PPP1R12A: variants seen among roughly 807,000 people sequenced by gnomAD.
The protein encoded by PPP1R12A is myosin binding subunit.
Under a neutral mutation model 139.6 loss-of-function variants are expected in PPP1R12A, and 19 were observed. The observed-to-expected ratio is 0.14, with a 90% confidence interval of 0.09 to 0.20. PPP1R12A has a LOEUF of 0.20. Among genes scored for constraint, PPP1R12A ranks in the 10% least tolerant of loss-of-function variants. The pLI, the probability that PPP1R12A is intolerant of heterozygous loss-of-function variation, is 1.00. For synonymous variants in PPP1R12A, 427 were observed against 420.6 expected, an observed-to-expected ratio of 1.02 and a Z score of -0.19; for missense variants, 925 against 1,211.5, an observed-to-expected ratio of 0.76 and a Z score of 3.51.
intron 5 of PPP1R12A, chr12:79,825,510 ATAATT>A (rs1383312490): frequency 6.6e-6 from 1 of 151,974 alleles, no homozygotes; most frequent in Non-Finnish European, 1.5e-5. Context: ...CAGTTTGCAA[ATAATT>A]TAAAGAAATG....
At chr12:79,785,702 T>C (rs958509891) in intron 22 of PPP1R12A, among the ~76,000 whole-genome samples, 1 of 152,190 alleles carries the variant, frequency 6.6e-6, no homozygotes. Flanking sequence ...CTTTAACATG[T>C]AAAATATGTA....
intron 3 of PPP1R12A, among the ~76,000 whole-genome samples, chr12:79,841,392 T>C (rs965382178): frequency 6.6e-6 from 1 of 152,228 alleles, no homozygotes; most frequent in Non-Finnish European, 1.5e-5. Flanking sequence ...TTTTAATACA[T>C]AGCACACTGT....
At chr12:79,798,075 C>G (rs1461866691) in intron 15 of PPP1R12A, among the ~76,000 whole-genome samples, 2 of 152,108 alleles carry the variant, frequency 1.3e-5, no homozygotes, top group Non-Finnish European at 2.9e-5. Flanking sequence ...ATATACGAGC[C>G]TATTCTCTGC....
At chr12:79,782,614 C>T (rs1398554433) in intron 22 of PPP1R12A, 1 of 447,390 alleles carries the variant, frequency 2.2e-6, no homozygotes, top group Non-Finnish European at 4.5e-6. Flanking sequence ...TAAGCACAGG[C>T]ACAGTTTAAG....
chr12:79,793,853 T>C lies in PPP1R12A; in HGVS notation c.2649+10A>G. 6.4e-7 allele frequency: 1 copy of C among 1,556,310 alleles called. No individual in the cohort carries two copies. The highest frequency in any genetic ancestry group is 8.7e-7 in the Non-Finnish European group (1 of 1,142,982). ...GAATACTTCTCAATACAAAAAGTAATGGTATTTACCTGAGTTTCTTTCTTA... is the reference window on the plus strand; with the variant it reads ...GAATACTTCTCAATACAAAAAGTAACGGTATTTACCTGAGTTTCTTTCTTA... On this transcript the variant is annotated intron_variant, in intron 19 of 24. Transcript: ENST00000450142.
At chr12:79,881,657 T>G (rs1469042517) in intron 1 of PPP1R12A, among the ~76,000 whole-genome samples, 1 of 152,166 alleles carries the variant, frequency 6.6e-6, no homozygotes, top group Non-Finnish European at 1.5e-5. Context: ...CTAAAATCAC[T>G]GATGAAGGTG....
chr12:79,932,518 G>A lies in PPP1R12A; in HGVS notation c.237+2177C>T, dbSNP rs183372960. On this transcript the variant is annotated intron_variant, in intron 1 of 24. Coordinates refer to ENST00000450142, the MANE Select transcript of PPP1R12A (RefSeq NM_002480.3). ...GGAAAAATGTTATGGAAAAGGGGAG[G>A]CGGTTGGAGATTATCGGGTCAAACC... 4.2e-3 allele frequency among the ~76,000 whole-genome samples: 636 copies of A among 152,262 alleles called. 2 individuals carry two copies. Among genetic ancestry groups the A allele is most frequent in the African/African-American group, 0.015 (605 of 41,554 alleles).
In PPP1R12A at chr12:79,775,922, T is replaced by A; in HGVS notation, c.*7A>T. 1 of 1,558,746 alleles carries A rather than the reference T, an allele frequency of 6.4e-7. No individual in the cohort carries two copies. Among genetic ancestry groups the A allele is most frequent in the Non-Finnish European group, 8.7e-7 (1 of 1,150,582 alleles). ...TGCAATTCCATTACTTGCTGCTTTT[T>A]TTTTTTTTATTTGGAAAGTTTGCTT... On this transcript the variant is annotated 3_prime_UTR_variant, in exon 25 of 25. Coordinates refer to ENST00000450142, the MANE Select transcript of PPP1R12A (RefSeq NM_002480.3).
chr12:79,841,221 G>C (rs1878670676), intron 3 of PPP1R12A, among the ~76,000 whole-genome samples: 1 of 152,108 alleles, frequency 6.6e-6, no homozygotes, highest in African/African-American at 2.4e-5. Flanking sequence ...GAGCCACTGT[G>C]CTTGGCCTTC....
chr12:79,793,849 G>T lies in PPP1R12A; in HGVS notation c.2649+14C>A. On this transcript the variant is annotated intron_variant, in intron 19 of 24. Coordinates refer to ENST00000450142, the MANE Select transcript of PPP1R12A (RefSeq NM_002480.3). ...ATATGAATACTTCTCAATACAAAAA[G>T]TAATGGTATTTACCTGAGTTTCTTT... 1 of 1,546,712 alleles carries T rather than the reference G, an allele frequency of 6.5e-7. No homozygotes were observed. Among genetic ancestry groups the T allele is most frequent in the Non-Finnish European group, 8.8e-7 (1 of 1,135,958 alleles).
chr12:79,801,454 C>CA (rs1463258308), intron 14 of PPP1R12A, among the ~76,000 whole-genome samples: 1 of 139,854 alleles, frequency 7.2e-6, no homozygotes, highest in African/African-American at 2.6e-5. Flanking sequence ...TAACACTATT[C>CA]ATACAATCAT....
intron 2 of PPP1R12A, among the ~76,000 whole-genome samples, chr12:79,871,232 A>C (rs1882535033): frequency 6.6e-6 from 1 of 152,198 alleles, no homozygotes; most frequent in South Asian, 2.1e-4. Context: ...TCTTTAGGTC[A>C]TTTTAAATTG....
chr12:79,925,436 T>C (rs1047803999), intron 1 of PPP1R12A, among the ~76,000 whole-genome samples: 10 of 152,210 alleles, frequency 6.6e-5, no homozygotes, highest in East Asian at 3.8e-4. Flanking sequence ...TTAGAGGTCA[T>C]GTTAAACTAA....
intron 1 of PPP1R12A, among the ~76,000 whole-genome samples, chr12:79,888,719 T>A (rs544004859): frequency 6.6e-6 from 1 of 152,286 alleles, no homozygotes; most frequent in East Asian, 1.9e-4. Flanking sequence ...CATATACTAA[T>A]TCATTTAATC....
At chr12:79,924,350 C>T (rs1434070851) in intron 1 of PPP1R12A, among the ~76,000 whole-genome samples, 2 of 152,148 alleles carry the variant, frequency 1.3e-5, no homozygotes, top group Non-Finnish European at 2.9e-5. Context: ...TTAAGAAAAA[C>T]TGTAGAAATT....
chr12:79,797,255 C>A lies in PPP1R12A; in HGVS notation c.2232G>T (p.Lys744Asn). The A allele has an allele frequency of 6.3e-7, 1 of 1,587,396 alleles. No individual in the cohort carries two copies. Among genetic ancestry groups the A allele is most frequent in the East Asian group, 2.3e-5 (1 of 44,364 alleles). ...CATCTTCTCTAGATGTTTCTGACTCCTTCTTTTCTTCTTGTTTCTCTTTAT... is the reference window on the plus strand; with the variant it reads ...CATCTTCTCTAGATGTTTCTGACTCATTCTTTTCTTCTTGTTTCTCTTTAT... The part of the protein sequence containing the change: ...KQDKEKQEEK[K>N]ESETSREDEY... Residue 744 changes from lysine (K) to asparagine (N), a missense_variant, in exon 16 of 25, where the codon AAG becomes AAT. Lys to Asn is a moderately conservative substitution (Grantham distance 94, BLOSUM62 0). Around this residue, in one of 4 missense-constraint regions of PPP1R12A, gnomAD observed 315 missense variants for 363.4 expected, o/e 0.87. Coordinates refer to ENST00000450142, the MANE Select transcript of PPP1R12A (RefSeq NM_002480.3).
At chr12:79,819,761 G>A (rs2137109221) in intron 8 of PPP1R12A, among the ~76,000 whole-genome samples, 1 of 152,206 alleles carries the variant, frequency 6.6e-6, no homozygotes, top group Admixed American at 6.5e-5. Context: ...CAGCAAAATA[G>A]TTAACCCTAC....
intron 11 of PPP1R12A, 66 bp downstream of exon 11, chr12:79,808,417 T>TTAAC: frequency 9.2e-7 from 1 of 1,084,402 alleles, no homozygotes; most frequent in South Asian, 1.4e-5. Context: ...TGCTCATGTA[T>TTAAC]TAACTCTAAT....
At chr12:79,795,262 G>C (rs1319397751) in intron 18 of PPP1R12A, among the ~76,000 whole-genome samples, 1 of 152,110 alleles carries the variant, frequency 6.6e-6, no homozygotes, top group Non-Finnish European at 1.5e-5. Flanking sequence ...TGAGATGGAA[G>C]TAATCTGTAA....
Sources: gnomAD v4.1 joint callset for allele counts (sites outside exome capture counted in the v4.1 genomes callset) on GRCh38, gnomAD v4.1.1 for gene constraint, gnomAD v4.1.1 regional missense constraint, MANE v1.5 for transcripts, NCBI Gene and HGNC (gene_info 2026-07-23, HGNC 2026-07-21) for gene names.